The following PSD3 variants were observed in gnomAD, a reference collection of about 807,000 sequenced individuals.
PSD3 encodes PH and SEC7 domain-containing protein 3.
Under a neutral mutation model 105.5 loss-of-function variants are expected in PSD3, and 49 were observed. The ratio of observed to expected loss-of-function variants is 0.46; its 90% CI spans 0.37 to 0.59. The LOEUF (loss-of-function observed/expected upper bound fraction) is 0.59, where lower values mean the gene tolerates loss of function less well. PSD3 is among the 20% of genes least tolerant of loss of function. The pLI is 0.00. For missense variants in PSD3, 1,561 were observed against 1,263.8 expected, an observed-to-expected ratio of 1.24 and a Z score of -3.57; for synonymous variants, 557 against 457.8, an observed-to-expected ratio of 1.22 and a Z score of -2.77.
intron 2 of PSD3, among the ~76,000 whole-genome samples, chr8:18,899,099 C>G (rs1819332489): frequency 6.6e-6 from 1 of 152,144 alleles, no homozygotes; most frequent in East Asian, 1.9e-4. Flanking sequence ...GCCAGATTAT[C>G]TCATGTCAAT....
chr8:19,063,217 G>T (rs1418512052), intron 1 of PSD3, among the ~76,000 whole-genome samples: 2 of 152,148 alleles, frequency 1.3e-5, no homozygotes, highest in African/African-American at 2.4e-5. Flanking sequence ...ATTAACCTGG[G>T]TATTTTCTAA....
At chr8:19,017,949 C>A (rs1827229763), upstream of PSD3, among the ~76,000 whole-genome samples, 1 of 152,150 alleles carries the variant, frequency 6.6e-6, no homozygotes, top group Admixed American at 6.5e-5. Flanking sequence ...TGGGTTATAT[C>A]GTGACTGTAT....
At chr8:18,828,047 G>GTATGTATATA in intron 4 of PSD3, among the ~76,000 whole-genome samples, 1 of 126,382 alleles carries the variant, frequency 7.9e-6, no homozygotes, top group African/African-American at 3.1e-5. Flanking sequence ...ATATATATAT[G>GTATGTATATA]TATATATATA....
chr8:18,828,035 TA>T (rs1563319519), intron 4 of PSD3, among the ~76,000 whole-genome samples: 9 of 136,838 alleles, frequency 6.6e-5, no homozygotes, highest in Non-Finnish European at 9.2e-5. Context: ...TACATATATA[TA>T]ATATATATAT....
At chr8:18,931,912 A>G (rs1821774688) in intron 2 of PSD3, among the ~76,000 whole-genome samples, 1 of 150,404 alleles carries the variant, frequency 6.6e-6, no homozygotes, top group Admixed American at 6.6e-5. Flanking sequence ...AGATGATGTC[A>G]CATTTCACAC....
chr8:18,599,301 G>A (rs1328635938), intron 12 of PSD3, among the ~76,000 whole-genome samples: 1 of 152,110 alleles, frequency 6.6e-6, no homozygotes, highest in South Asian at 2.1e-4. Flanking sequence ...CTGTTGTTCA[G>A]GTATAAAATG....
At chr8:18,704,861 T>TA (rs1035019216) in intron 9 of PSD3, among the ~76,000 whole-genome samples, 2 of 151,780 alleles carry the variant, frequency 1.3e-5, no homozygotes, top group African/African-American at 2.4e-5. Flanking sequence ...TAATAATGTT[T>TA]AAAAAAAATA....
intron 3 of PSD3, among the ~76,000 whole-genome samples, chr8:18,868,618 T>C (rs892351242): frequency 6.6e-6 from 1 of 151,964 alleles, no homozygotes; most frequent in African/African-American, 2.4e-5. Context: ...CAAAATTAGA[T>C]AGCCAATTAA....
chr8:18,553,098 G>T (rs955802069), intron 15 of PSD3, among the ~76,000 whole-genome samples: 1 of 152,132 alleles, frequency 6.6e-6, no homozygotes, highest in Non-Finnish European at 1.5e-5. Context: ...TAAACAACTG[G>T]AATGCATACA....
chr8:18,694,617 A>G (rs1319312068), intron 9 of PSD3, among the ~76,000 whole-genome samples: 1 of 152,090 alleles, frequency 6.6e-6, no homozygotes, highest in Non-Finnish European at 1.5e-5. Context: ...CTCCGAAAAA[A>G]AAAAAAAAAG....
chr8:18,832,615 CAT>C (rs535242675), intron 4 of PSD3, among the ~76,000 whole-genome samples: 297 of 152,298 alleles, frequency 2.0e-3, no homozygotes, highest in Middle Eastern at 3.4e-3. Context: ...TAATGGTCAA[CAT>C]ATTAGTCCAT....
At chr8:18,816,144 T>G (rs1812206790) in intron 4 of PSD3, among the ~76,000 whole-genome samples, 1 of 152,240 alleles carries the variant, frequency 6.6e-6, no homozygotes, top group South Asian at 2.1e-4. Flanking sequence ...GTACCCAATA[T>G]GAATGAATTA....
chr8:18,882,839 A>C (rs953709584), intron 2 of PSD3, among the ~76,000 whole-genome samples: 1 of 150,802 alleles, frequency 6.6e-6, no homozygotes, highest in Non-Finnish European at 1.5e-5. Context: ...GCTTATGTAG[A>C]TATATATACA....
At position 18,836,951 on chromosome 8, in the gene PSD3, T is replaced by A. The variant is rs551944515; in HGVS notation, c.1634+30723A>T. On this transcript the variant is annotated intron_variant, in intron 4 of 15. Coordinates refer to ENST00000327040, the MANE Select transcript of PSD3 (RefSeq NM_015310.4). ...CTAAAAAAAATTCAAGTTTCTTACG[T>A]GTTTTTTTTTTTTTTTAATACACAT... Among the ~76,000 whole-genome samples the A allele has an allele frequency of 2.4e-4, 36 of 150,348 alleles. 1 individual carries two copies. The South Asian group carries it at 6.6e-3, about 28-fold the overall frequency.
chr8:18,769,059 C>G (rs1336993716), intron 8 of PSD3, among the ~76,000 whole-genome samples: 3 of 152,040 alleles, frequency 2.0e-5, no homozygotes, highest in Non-Finnish European at 4.4e-5. Flanking sequence ...TTTTCCCAAT[C>G]CTTTCCAACT....
At chr8:18,767,662 G>A (rs1807126711) in intron 8 of PSD3, among the ~76,000 whole-genome samples, 1 of 152,016 alleles carries the variant, frequency 6.6e-6, no homozygotes, top group Non-Finnish European at 1.5e-5. Context: ...CAGAATAACT[G>A]CTTGAACCCG....
chr8:18,734,154 A>C (rs1411125501), intron 9 of PSD3: 1 of 152,258 alleles, frequency 6.6e-6, no homozygotes, highest in Admixed American at 6.5e-5. Flanking sequence ...CAAAAGTAGA[A>C]AATATCACTA....
At chr8:19,017,392 A>G (rs565893575), upstream of PSD3, among the ~76,000 whole-genome samples, 1 of 152,210 alleles carries the variant, frequency 6.6e-6, no homozygotes, top group South Asian at 2.1e-4. Context: ...ATTTTTTTAA[A>G]ACAGCTTTAT....
intron 9 of PSD3, among the ~76,000 whole-genome samples, chr8:18,715,367 T>A (rs78084604): frequency 0.015 from 2,337 of 152,340 alleles, 61 homozygotes; most frequent in African/African-American, 0.052. Context: ...TTGACCTAGA[T>A]TAAGCAGATC....
Sources: allele counts gnomAD v4.1 joint callset (sites outside exome capture counted in the v4.1 genomes callset), GRCh38; gene constraint gnomAD v4.1.1; transcripts MANE v1.5; gene names NCBI Gene and HGNC (gene_info 2026-07-23, HGNC 2026-07-21).